The following HEMK2 variants were observed in gnomAD, a reference collection of about 807,000 sequenced individuals.
The protein encoded by HEMK2 is HemK methyltransferase 2, ETF1 glutamine and histone H4 lysine.
At chr21:28,693,187 T>C in the HEMK2 span, among the ~76,000 whole-genome samples, 1 of 152,156 alleles carries the variant, frequency 6.6e-6, no homozygotes, top group South Asian at 2.1e-4. Context: ...TTAAAATATA[T>C]GTATAATGTA....
chr21:28,728,017 C>T, the HEMK2 span, among the ~76,000 whole-genome samples: 1 of 152,208 alleles, frequency 6.6e-6, no homozygotes, highest in Non-Finnish European at 1.5e-5. Context: ...CGATTCAGGG[C>T]CATGAGCCAA....
the HEMK2 span, among the ~76,000 whole-genome samples, chr21:28,810,311 CG>C: frequency 1.3e-5 from 2 of 152,122 alleles, no homozygotes; most frequent in African/African-American, 4.8e-5. Context: ...ATTTAATAGA[CG>C]GACTCAGGGA....
At chr21:28,639,963 G>T in the HEMK2 span, among the ~76,000 whole-genome samples, 1 of 152,168 alleles carries the variant, frequency 6.6e-6, no homozygotes, top group Admixed American at 6.5e-5. Flanking sequence ...GGTGGAGGAG[G>T]TTGGAGGGAG....
At chr21:28,877,453 AGAAG>A in the HEMK2 span, among the ~76,000 whole-genome samples, 1 of 151,308 alleles carries the variant, frequency 6.6e-6, no homozygotes, top group African/African-American at 2.4e-5. Flanking sequence ...ACAGATGGAC[AGAAG>A]GAAGGAAAAA....
At chr21:28,605,619 T>C in the HEMK2 span, among the ~76,000 whole-genome samples, 1 of 152,234 alleles carries the variant, frequency 6.6e-6, no homozygotes, top group East Asian at 1.9e-4. Flanking sequence ...TATTCCTGAA[T>C]GGCCAGTCCA....
chr21:28,697,530 ACTGTTCCAACCT>A, the HEMK2 span, among the ~76,000 whole-genome samples: 1 of 151,938 alleles, frequency 6.6e-6, no homozygotes, highest in Non-Finnish European at 1.5e-5. Context: ...AGCCCTCCAA[ACTGTTCCAACCT>A]CTGTCTGTTA....
At chr21:28,695,690 G>A in the HEMK2 span, among the ~76,000 whole-genome samples, 1 of 151,994 alleles carries the variant, frequency 6.6e-6, no homozygotes, top group African/African-American at 2.4e-5. Flanking sequence ...TAGGGACACA[G>A]CCAAACCATA....
chr21:28,596,260 AC>A, the HEMK2 span, among the ~76,000 whole-genome samples: 103 of 151,794 alleles, frequency 6.8e-4, no homozygotes, highest in East Asian at 0.019. Flanking sequence ...CTTGTGATCC[AC>A]CCCACCTCAG....
At chr21:28,784,982 G>A in the HEMK2 span, among the ~76,000 whole-genome samples, 10 of 152,150 alleles carry the variant, frequency 6.6e-5, no homozygotes, top group South Asian at 4.2e-4. Flanking sequence ...TCCTGAGGCC[G>A]GTGAGACCAT....
the HEMK2 span, among the ~76,000 whole-genome samples, chr21:28,778,004 A>C: frequency 1.3e-5 from 2 of 152,196 alleles, no homozygotes; most frequent in African/African-American, 4.8e-5. Flanking sequence ...AATTGTCATA[A>C]ATTTTTTGGT....
chr21:28,651,843 G>A, the HEMK2 span, among the ~76,000 whole-genome samples: 1 of 152,116 alleles, frequency 6.6e-6, no homozygotes. Flanking sequence ...AGAAATAGGT[G>A]GGGATGGGAA....
At chr21:28,662,299 A>G in the HEMK2 span, among the ~76,000 whole-genome samples, 21 of 152,248 alleles carry the variant, frequency 1.4e-4, no homozygotes, top group East Asian at 9.7e-4. Context: ...CTGATGCCCC[A>G]CTGATAGACT....
the HEMK2 span, among the ~76,000 whole-genome samples, chr21:28,880,541 C>T: frequency 5.9e-5 from 9 of 151,932 alleles, no homozygotes; most frequent in African/African-American, 1.7e-4. Flanking sequence ...AGACCAGCCT[C>T]GCCAACCCAT....
the HEMK2 span, among the ~76,000 whole-genome samples, chr21:28,794,196 G>C: frequency 2.6e-5 from 4 of 152,018 alleles, no homozygotes; most frequent in Admixed American, 6.5e-5. Context: ...TTATAGGATG[G>C]TATTCAATCA....
At chr21:28,704,979 G>A in the HEMK2 span, among the ~76,000 whole-genome samples, 3 of 152,044 alleles carry the variant, frequency 2.0e-5, no homozygotes, top group East Asian at 1.9e-4. Flanking sequence ...TCGGAGTAAC[G>A]GCCTCCTTCC....
chr21:28,612,256 G>C, the HEMK2 span, among the ~76,000 whole-genome samples: 2 of 150,986 alleles, frequency 1.3e-5, no homozygotes, highest in East Asian at 1.9e-4. Flanking sequence ...TTTCATAGCA[G>C]GAATGCAGGA....
chr21:28,840,286 C>CTTCTAGGGT, the HEMK2 span, among the ~76,000 whole-genome samples: 1 of 152,116 alleles, frequency 6.6e-6, no homozygotes, highest in African/African-American at 2.4e-5. Context: ...TGGAAAAACC[C>CTTCTAGGGT]TTCTAGACAT....
the HEMK2 span, among the ~76,000 whole-genome samples, chr21:28,767,565 C>G: frequency 7.7e-6 from 1 of 129,826 alleles, no homozygotes; most frequent in East Asian, 3.2e-4. Flanking sequence ...AGAGCAACAA[C>G]ATTATGCTAA....
At chr21:28,819,544 CTTTTT>C in the HEMK2 span, among the ~76,000 whole-genome samples, 6 of 111,904 alleles carry the variant, frequency 5.4e-5, no homozygotes, top group Admixed American at 3.2e-4. Flanking sequence ...TTTTCTTTTC[CTTTTT>C]TTTTTTTTTT....
Sources: gnomAD v4.1 joint callset for allele counts (sites outside exome capture counted in the v4.1 genomes callset) on GRCh38, gnomAD v4.1.1 for gene constraint, MANE v1.5 for transcripts, NCBI Gene and HGNC (gene_info 2026-07-23, HGNC 2026-07-21) for gene names.